MGMT: variants seen among roughly 807,000 people sequenced by gnomAD.
MGMT encodes the protein methylated-DNA--protein-cysteine methyltransferase.
MGMT carries 14 observed loss-of-function variants against 15.9 expected under a neutral mutation model. That is an observed-to-expected ratio of 0.88 (90% CI 0.58 to 1.37). MGMT has a LOEUF of 1.37. Among genes scored for constraint, MGMT ranks in the 40% most tolerant of loss-of-function variants. MGMT has a pLI of 0.00. For synonymous variants in MGMT, 130 were observed against 118.2 expected (o/e 1.10, Z -0.65); for missense variants, 282 against 268.1 (o/e 1.05, Z -0.36).
chr10:129,670,126 G>A (rs745392672), intron 2 of MGMT, among the ~76,000 whole-genome samples: 1 of 146,726 alleles, frequency 6.8e-6, no homozygotes, highest in South Asian at 2.2e-4. Flanking sequence ...GAGCATCAAT[G>A]AAGTACACCA....
chr10:129,497,311 C>T (rs1005518398), intron 1 of MGMT, among the ~76,000 whole-genome samples: 3 of 152,138 alleles, frequency 2.0e-5, no homozygotes, highest in South Asian at 2.1e-4. Flanking sequence ...TGTGCCTCCC[C>T]GGTCAGCTGG....
chr10:129,683,586 T>C (rs1207473068), intron 2 of MGMT, among the ~76,000 whole-genome samples: 3 of 152,212 alleles, frequency 2.0e-5, no homozygotes, highest in South Asian at 2.1e-4. Context: ...CAGCCTCTTA[T>C]TGACAGTAAT....
chr10:129,467,546 C>T (rs1845182804), intron 1 of MGMT: 1 of 600,248 alleles, frequency 1.7e-6, no homozygotes, highest in Non-Finnish European at 2.1e-6. Context: ...TGGCGGGGGT[C>T]GTGGCAGCCC....
chr10:129,567,116 T>G (rs1362020025), intron 2 of MGMT, among the ~76,000 whole-genome samples: 1 of 152,180 alleles, frequency 6.6e-6, no homozygotes, highest in Non-Finnish European at 1.5e-5. Context: ...GTTTTCCTTT[T>G]TCACCAGAAA....
At chr10:129,712,927 G>A (rs757023504) in intron 3 of MGMT, among the ~76,000 whole-genome samples, 6 of 152,108 alleles carry the variant, frequency 3.9e-5, no homozygotes, top group Non-Finnish European at 8.8e-5. Context: ...CTCCTCACCC[G>A]AGGGTCCTAG....
chr10:129,505,645 A>G (rs1845617626), intron 1 of MGMT, among the ~76,000 whole-genome samples: 1 of 152,124 alleles, frequency 6.6e-6, no homozygotes, highest in African/African-American at 2.4e-5. Flanking sequence ...TTGCTTGCTT[A>G]TTGTACATTC....
intron 2 of MGMT, among the ~76,000 whole-genome samples, chr10:129,635,608 A>G (rs543893767): frequency 9.8e-5 from 15 of 152,292 alleles, no homozygotes; most frequent in African/African-American, 3.6e-4. Context: ...GGTGTTTTTT[A>G]AAAAATAATT....
intron 2 of MGMT, among the ~76,000 whole-genome samples, chr10:129,619,496 A>G (rs1367691646): frequency 1.3e-5 from 2 of 152,158 alleles, no homozygotes; most frequent in African/African-American, 4.8e-5. Flanking sequence ...TTATCGGGGT[A>G]ATGCTGGCTT....
intron 4 of MGMT, among the ~76,000 whole-genome samples, chr10:129,764,817 C>T (rs1848914739): frequency 1.3e-5 from 2 of 152,150 alleles, no homozygotes; most frequent in African/African-American, 4.8e-5. Context: ...ATGCTGGGAG[C>T]AGGGCAGCCA....
intron 2 of MGMT, among the ~76,000 whole-genome samples, chr10:129,685,355 C>G (rs954624635): frequency 6.6e-6 from 1 of 152,172 alleles, no homozygotes; most frequent in African/African-American, 2.4e-5. Flanking sequence ...TGTCCTGGCT[C>G]CCTCTGGCCA....
At chr10:129,588,480 T>G (rs1846643070) in intron 2 of MGMT, among the ~76,000 whole-genome samples, 1 of 152,232 alleles carries the variant, frequency 6.6e-6, no homozygotes, top group Non-Finnish European at 1.5e-5. Context: ...CTTTCCTCCC[T>G]TTTTTATTGC....
chr10:129,508,770 C>CTCCT (rs1453022741), intron 1 of MGMT, among the ~76,000 whole-genome samples: 1 of 151,970 alleles, frequency 6.6e-6, no homozygotes, highest in Non-Finnish European at 1.5e-5. Flanking sequence ...TGGTCTTGAG[C>CTCCT]TCCTGATCGC....
At chr10:129,608,798 G>A (rs943024907) in intron 2 of MGMT, among the ~76,000 whole-genome samples, 1 of 152,266 alleles carries the variant, frequency 6.6e-6, no homozygotes, top group Non-Finnish European at 1.5e-5. Context: ...CCCAGGGGCA[G>A]GAGGCCCAGC....
intron 2 of MGMT, among the ~76,000 whole-genome samples, chr10:129,604,380 T>C (rs974585033): frequency 3.9e-5 from 6 of 152,210 alleles, no homozygotes; most frequent in African/African-American, 1.4e-4. Context: ...AAAAAAATTC[T>C]TTACATATGC....
intron 2 of MGMT, among the ~76,000 whole-genome samples, chr10:129,629,421 A>G (rs1199335991): frequency 6.6e-6 from 1 of 152,192 alleles, no homozygotes. Flanking sequence ...CCGTGGTAGT[A>G]CATTTCACAT....
chr10:129,472,493 G>A (rs1055656705), intron 1 of MGMT, among the ~76,000 whole-genome samples: 2 of 152,082 alleles, frequency 1.3e-5, no homozygotes, highest in African/African-American at 4.8e-5. Context: ...AGTCCAATCC[G>A]AATCTGTATT....
rs577441887 is a variant in MGMT, at chr10:129,476,042, C to T, written c.-13+8746C>T. Among the ~76,000 whole-genome samples the T allele has an allele frequency of 1.7e-4, 26 of 152,316 alleles. No individual in the cohort carries two copies. The Middle Eastern group carries it at 0.01, about 60-fold the overall frequency. Reference sequence around the variant, plus strand: ...TGGGGTGGGTGGTCCCTGCCTCCCTCGGCTCTCATTCCAGGGTCCTCCTGG... The same window carrying T: ...TGGGGTGGGTGGTCCCTGCCTCCCTTGGCTCTCATTCCAGGGTCCTCCTGG... On this transcript the variant is annotated intron_variant, in intron 1 of 4. Transcript: ENST00000651593.
intron 2 of MGMT, among the ~76,000 whole-genome samples, chr10:129,643,681 C>A (rs1847354054): frequency 6.6e-6 from 1 of 152,210 alleles, no homozygotes; most frequent in African/African-American, 2.4e-5. Flanking sequence ...ACAACGATTT[C>A]TTCAATGTTC....
At chr10:129,754,699 C>T (rs1485631926) in intron 3 of MGMT, among the ~76,000 whole-genome samples, 1 of 152,216 alleles carries the variant, frequency 6.6e-6, no homozygotes, top group African/African-American at 2.4e-5. Context: ...TGAGGGCCAC[C>T]CCGTGGTGGA....
Sources: allele counts gnomAD v4.1 joint callset (sites outside exome capture counted in the v4.1 genomes callset), GRCh38; gene constraint gnomAD v4.1.1; transcripts MANE v1.5; gene names NCBI Gene and HGNC (gene_info 2026-07-23, HGNC 2026-07-21).